The following COL24A1 variants were observed in gnomAD, a reference collection of about 807,000 sequenced individuals.
COL24A1 encodes collagen type XXIV alpha 1 chain, also known as collagen alpha-1(XXIV) chain.
COL24A1 carries 224 observed loss-of-function variants against 253.9 expected under a neutral mutation model. The observed-to-expected ratio is 0.88, with a 90% CI of 0.79 to 0.99. The LOEUF is 0.99. Ranked by LOEUF, COL24A1 falls within the 50% of genes least tolerant of loss-of-function variation. The pLI, the probability that COL24A1 is intolerant of heterozygous loss-of-function variation, is 0.00. For synonymous variants in COL24A1, 685 were observed against 673.7 expected (o/e 1.02, Z -0.26); for missense variants, 2,131 against 2,068.5 (o/e 1.03, Z -0.59).
At chr1:85,776,310 G>A (rs1668536642) in intron 52 of COL24A1, among the ~76,000 whole-genome samples, 1 of 151,960 alleles carries the variant, frequency 6.6e-6, no homozygotes, top group Non-Finnish European at 1.5e-5. Context: ...TACCTTCTAT[G>A]ACCTCAGTTC....
At chr1:85,905,003 T>C (rs968886990) in intron 28 of COL24A1, among the ~76,000 whole-genome samples, 5 of 152,108 alleles carry the variant, frequency 3.3e-5, no homozygotes, top group African/African-American at 1.2e-4. Flanking sequence ...GTCCTACCCT[T>C]CATGATGGTC....
At chr1:86,062,398 GT>G (rs55641534) in intron 8 of COL24A1, among the ~76,000 whole-genome samples, 10 of 148,166 alleles carry the variant, frequency 6.7e-5, no homozygotes, top group East Asian at 5.9e-4. Context: ...AATTTTGCCT[GT>G]TTTTTTTTTC....
intron 32 of COL24A1, among the ~76,000 whole-genome samples, chr1:85,885,371 T>TTGTG (rs770651153): frequency 1.9e-4 from 25 of 134,962 alleles, no homozygotes; most frequent in Non-Finnish European, 2.7e-4. Flanking sequence ...TGGCTAATTT[T>TTGTG]TGTGTGTATA....
intron 55 of COL24A1, among the ~76,000 whole-genome samples, chr1:85,745,961 C>T (rs1315359805): frequency 6.6e-6 from 1 of 152,122 alleles, no homozygotes; most frequent in Non-Finnish European, 1.5e-5. Flanking sequence ...TCTGATACTT[C>T]TGCGGTTTTA....
intron 32 of COL24A1, among the ~76,000 whole-genome samples, chr1:85,879,485 A>G (rs1202040608): frequency 6.6e-6 from 1 of 152,168 alleles, no homozygotes; most frequent in Non-Finnish European, 1.5e-5. Context: ...TGTTCCAATG[A>G]TCTACAGTCG....
intron 59 of COL24A1, among the ~76,000 whole-genome samples, chr1:85,731,182 T>TC (rs796757718): frequency 4.9e-4 from 75 of 152,088 alleles, no homozygotes; most frequent in African/African-American, 1.5e-3. Flanking sequence ...TTAGGTCTCT[T>TC]CCCCCCCGCC....
intron 24 of COL24A1, among the ~76,000 whole-genome samples, chr1:85,922,084 T>C (rs1686578937): frequency 6.6e-6 from 1 of 151,880 alleles, no homozygotes; most frequent in African/African-American, 2.4e-5. Context: ...GAAGATCAAA[T>C]TAATGAAATA....
chr1:86,055,995 G>A (rs1700633914), intron 10 of COL24A1, among the ~76,000 whole-genome samples: 1 of 151,928 alleles, frequency 6.6e-6, no homozygotes, highest in South Asian at 2.1e-4. Context: ...GCAGGCGCCT[G>A]TAGTCCCAGC....
intron 24 of COL24A1, among the ~76,000 whole-genome samples, chr1:85,918,430 A>C (rs1271415271): frequency 1.3e-5 from 2 of 152,104 alleles, no homozygotes; most frequent in East Asian, 3.9e-4. Flanking sequence ...TAAGCTTTCT[A>C]GTCTATCTTA....
intron 37 of COL24A1, among the ~76,000 whole-genome samples, chr1:85,864,432 AT>A (rs1195909378): frequency 6.6e-6 from 1 of 152,042 alleles, no homozygotes; most frequent in Non-Finnish European, 1.5e-5. Context: ...TAGGTGATAT[AT>A]CTAATGTAAA....
At chr1:85,862,523 A>G (rs1345980355) in intron 37 of COL24A1, among the ~76,000 whole-genome samples, 1 of 152,144 alleles carries the variant, frequency 6.6e-6, no homozygotes, top group East Asian at 1.9e-4. Context: ...CCCTCCTGAC[A>G]CAATCATCTT....
intron 19 of COL24A1, among the ~76,000 whole-genome samples, chr1:85,991,180 T>G (rs1694226773): frequency 6.6e-6 from 1 of 152,128 alleles, no homozygotes; most frequent in Admixed American, 6.5e-5. Context: ...ACTACCAATT[T>G]GCAGGAAACA....
Position 86,018,356 on chromosome 1 carries a change from C to A in COL24A1, c.2257-1152G>T, listed in dbSNP as rs183920249. 1.2e-3 allele frequency among the ~76,000 whole-genome samples: 187 copies of A among 152,298 alleles called. 1 individual carries two copies. The highest frequency in any genetic ancestry group is 4.5e-3 in the African/African-American group (185 of 41,560). On this transcript the variant is annotated intron_variant, in intron 18 of 59. Coordinates refer to ENST00000370571, the MANE Select transcript of COL24A1 (RefSeq NM_152890.7). The stretch of plus-strand genomic sequence containing the variant: ...AAGGCAGTGAAATATTATGGAAAGG[C>A]TCATTTAAGTTTCCCTTTCCAAATA...
Position 86,110,187 on chromosome 1 carries a change from A to G in COL24A1, c.1599+2380T>C, listed in dbSNP as rs147689460. Among the ~76,000 whole-genome samples, 1,363 of 151,646 alleles carry G rather than the reference A, an allele frequency of 9.0e-3. 14 individuals carry two copies. The highest frequency in any genetic ancestry group is 0.031 in the African/African-American group (1,302 of 41,484). ...AATGGGAATATTTTATTTTATATAT[A>G]TTTAATAAAAATATATACACAATGG... On this transcript the variant is annotated intron_variant, in intron 5 of 59. Transcript: ENST00000370571.
chr1:85,982,971 A>G (rs897419354), intron 20 of COL24A1, among the ~76,000 whole-genome samples: 2 of 152,042 alleles, frequency 1.3e-5, no homozygotes, highest in South Asian at 4.1e-4. Flanking sequence ...AACTGTGTAG[A>G]GTTATACATC....
At chr1:86,135,108 CTTCT>C (rs770598924) in intron 2 of COL24A1, among the ~76,000 whole-genome samples, 50 of 151,942 alleles carry the variant, frequency 3.3e-4, no homozygotes, top group Non-Finnish European at 6.0e-4. Context: ...ACGTAATGGC[CTTCT>C]TTGTCTCTTT....
At chr1:85,736,419 C>A (rs12037785) in intron 58 of COL24A1, 62,912 of 456,184 alleles carry the variant, frequency 0.14, 6,160 homozygotes, top group East Asian at 0.38. Flanking sequence ...TAATCCTATG[C>A]CAACTTCCAC....
chr1:86,064,491 T>G (rs1701333002), intron 7 of COL24A1, among the ~76,000 whole-genome samples: 1 of 152,180 alleles, frequency 6.6e-6, no homozygotes, highest in South Asian at 2.1e-4. Flanking sequence ...ATTTTGGAGC[T>G]TATTTGTACA....
At chr1:86,019,731 C>G (rs1363494060) in intron 18 of COL24A1, among the ~76,000 whole-genome samples, 1 of 152,092 alleles carries the variant, frequency 6.6e-6, no homozygotes, top group Non-Finnish European at 1.5e-5. Flanking sequence ...AATTATCTCC[C>G]TACCAAAGTA....
Sources: gnomAD v4.1 joint callset for allele counts (sites outside exome capture counted in the v4.1 genomes callset) on GRCh38, gnomAD v4.1.1 for gene constraint, MANE v1.5 for transcripts, NCBI Gene and HGNC (gene_info 2026-07-23, HGNC 2026-07-21) for gene names.